Variants in ANK3 observed in about 807,000 individuals in gnomAD.
ANK3 encodes ankyrin-3.
In ANK3, 57 loss-of-function variants were observed where a neutral mutation model predicts 370.9. The ratio of observed to expected loss-of-function variants is 0.15; its 90% CI spans 0.12 to 0.19. The LOEUF is 0.19. Ranked by LOEUF, ANK3 falls within the 10% of genes least tolerant of loss-of-function variation. ANK3 has a pLI of 1.00. For synonymous variants in ANK3, 1,929 were observed against 1,946.3 expected (o/e 0.99, Z 0.23); for missense variants, 4,439 against 5,302.1 (o/e 0.84, Z 5.06).
intron 1 of ANK3, among the ~76,000 whole-genome samples, chr10:60,349,655 T>C (rs1221065740): frequency 6.6e-6 from 1 of 152,188 alleles, no homozygotes; most frequent in Non-Finnish European, 1.5e-5. Flanking sequence ...AAAAGCCACA[T>C]GAACCCTAAT....
intron 41 of ANK3, 85 bp downstream of exon 41, chr10:60,059,255 G>T: frequency 8.7e-7 from 1 of 1,149,610 alleles, no homozygotes; most frequent in Non-Finnish European, 1.3e-6. Flanking sequence ...TAATTTAGAA[G>T]AAGTCACCAC....
rs1397720600 is a variant in ANK3 at position 60,389,581 on chromosome 10, G to A, written c.-43C>T. On this transcript the variant is annotated 5_prime_UTR_variant, in exon 1 of 44. Coordinates refer to ENST00000280772, the MANE Select transcript of ANK3 (RefSeq NM_020987.5). ...CCTCTCAAGCACACACGGCTTCCTT[G>A]TAAAAGGTGATATCCTCAGGCACCT... 4 of 1,607,664 alleles carry A rather than the reference G, an allele frequency of 2.5e-6. No homozygotes were observed. Among genetic ancestry groups the A allele is most frequent in the Admixed American group, 1.7e-5 (1 of 58,686 alleles).
chr10:60,695,246 T>C (rs1174829777), intron 1 of ANK3, among the ~76,000 whole-genome samples: 1 of 152,102 alleles, frequency 6.6e-6, no homozygotes, highest in Non-Finnish European at 1.5e-5. Flanking sequence ...CCCAGATTCA[T>C]AAAGCAAGCC....
At chr10:60,451,431 C>G (rs1271288467) in intron 2 of ANK3, among the ~76,000 whole-genome samples, 2 of 152,192 alleles carry the variant, frequency 1.3e-5, no homozygotes, top group African/African-American at 4.8e-5. Context: ...GAGGCCAGAG[C>G]TGGAACTCAA....
At chr10:60,053,649 A>T in intron 42 of ANK3, 1 of 1,299,250 alleles carries the variant, frequency 7.7e-7, no homozygotes, top group African/African-American at 1.5e-5. Flanking sequence ...TGCTGCATGG[A>T]AACAGGTGGA....
intron 1 of ANK3, among the ~76,000 whole-genome samples, chr10:60,659,830 A>G (rs2133370995): frequency 6.6e-6 from 1 of 152,274 alleles, no homozygotes; most frequent in East Asian, 1.9e-4. Flanking sequence ...AAAATGGGAC[A>G]AGGTATATAA....
At position 60,059,377 on chromosome 10, in the gene ANK3, T is replaced by C. The variant is rs758136513; in HGVS notation, c.12649A>G (p.Arg4217Gly). The C allele has an allele frequency of 1.2e-5, 20 of 1,613,986 alleles. No individual in the cohort carries two copies. Among genetic ancestry groups the C allele is most frequent in the Non-Finnish European group, 1.6e-5 (19 of 1,180,004 alleles). Reference sequence around the variant, plus strand: ...CGATCTAGTAACCCACCAGTTACTCTTCGAGCTTGAGCGCAGGACTCTAGG... The same window carrying C: ...CGATCTAGTAACCCACCAGTTACTCCTCGAGCTTGAGCGCAGGACTCTAGG... ...GNLESCAQAR[R>G]VTGGLLDRLD... The change falls in exon 41 of 44, where the codon AGA becomes GGA. Residue 4217 changes from arginine to glycine, a missense_variant. Transcript: ENST00000280772.
In ANK3 at chr10:60,196,867, T is replaced by C. The variant is rs542651598; in HGVS notation, c.1690-242A>G. Among the ~76,000 whole-genome samples, 7 of 152,302 alleles carry C rather than the reference T, an allele frequency of 4.6e-5. No homozygotes were observed. In the East Asian group the frequency reaches 1.4e-3, roughly 29 times the overall value. ...TGTGAGCATAACATACCAGGATACC[T>C]AATCTTTCTCCCTTCTGCTGACTGA... On this transcript the variant is annotated intron_variant, in intron 14 of 43. Coordinates refer to ENST00000280772, the MANE Select transcript of ANK3 (RefSeq NM_020987.5).
chr10:60,393,330 T>C (rs970329383), upstream of ANK3, among the ~76,000 whole-genome samples: 1 of 152,190 alleles, frequency 6.6e-6, no homozygotes, highest in Non-Finnish European at 1.5e-5. Context: ...GCTTTGTTAC[T>C]AGAAGTTATG....
At chr10:60,660,513 G>A (rs1163869636) in intron 1 of ANK3, among the ~76,000 whole-genome samples, 1 of 152,076 alleles carries the variant, frequency 6.6e-6, no homozygotes, top group African/African-American at 2.4e-5. Flanking sequence ...AGTTGCCCCT[G>A]TTGTCATTTC....
chr10:60,570,384 A>G (rs1304839704), intron 2 of ANK3, among the ~76,000 whole-genome samples: 4 of 152,190 alleles, frequency 2.6e-5, no homozygotes, highest in African/African-American at 9.6e-5. Flanking sequence ...AGGGAGAATC[A>G]AGACATTTCA....
chr10:60,308,702 T>C (rs115000507), intron 1 of ANK3, among the ~76,000 whole-genome samples: 3,613 of 152,096 alleles, frequency 0.024, 128 homozygotes, highest in African/African-American at 0.079. Context: ...ATCCCTCAGG[T>C]CCTCAGCCCC....
At chr10:60,512,335 T>A (rs1369028392) in intron 2 of ANK3, among the ~76,000 whole-genome samples, 2 of 152,012 alleles carry the variant, frequency 1.3e-5, no homozygotes, top group African/African-American at 2.4e-5. Flanking sequence ...ATGCAAATAA[T>A]CCTTGAAAAG....
intron 1 of ANK3, among the ~76,000 whole-genome samples, chr10:60,347,435 T>G (rs1245360456): frequency 1.3e-5 from 2 of 151,936 alleles, no homozygotes; most frequent in African/African-American, 4.8e-5. Context: ...TTGGATATTT[T>G]CAGAGCATGT....
intron 1 of ANK3, among the ~76,000 whole-genome samples, chr10:60,710,340 G>A (rs1159599786): frequency 6.6e-6 from 1 of 152,072 alleles, no homozygotes; most frequent in African/African-American, 2.4e-5. Flanking sequence ...ATAGAGTTAG[G>A]ATTTAATACT....
At chr10:60,247,459 T>C (rs2097573967) in intron 7 of ANK3, among the ~76,000 whole-genome samples, 2 of 152,164 alleles carry the variant, frequency 1.3e-5, no homozygotes, top group South Asian at 2.1e-4. Context: ...CTGCAATCAG[T>C]CTCCAAACTC....
intron 1 of ANK3, among the ~76,000 whole-genome samples, chr10:60,650,583 G>A (rs1255182189): frequency 6.6e-6 from 1 of 152,164 alleles, no homozygotes; most frequent in African/African-American, 2.4e-5. Flanking sequence ...CAATCCTCTG[G>A]CTTCTGTGAA....
chr10:60,616,171 G>A (rs2078265373), intron 1 of ANK3, among the ~76,000 whole-genome samples: 1 of 151,990 alleles, frequency 6.6e-6, no homozygotes, highest in African/African-American at 2.4e-5. Flanking sequence ...GTTTCTATTT[G>A]AGCTTCCAAT....
intron 27 of ANK3, among the ~76,000 whole-genome samples, chr10:60,107,746 TAC>T (rs147933796): frequency 7.9e-5 from 12 of 151,752 alleles, no homozygotes; most frequent in East Asian, 7.7e-4. Flanking sequence ...AAGATCTAAT[TAC>T]ACACACACAC....
Sources: gnomAD v4.1 joint callset for allele counts (sites outside exome capture counted in the v4.1 genomes callset) on GRCh38, gnomAD v4.1.1 for gene constraint, MANE v1.5 for transcripts, NCBI Gene and HGNC (gene_info 2026-07-23, HGNC 2026-07-21) for gene names.